The following S100Z variants were observed in gnomAD, a reference collection of about 807,000 sequenced individuals.
The protein encoded by S100Z is S100 calcium binding protein Z.
In S100Z, 11 loss-of-function variants were observed where a neutral mutation model predicts 8.5. That is an observed-to-expected ratio of 1.30 (90% CI 0.82 to 2.15). The LOEUF is 2.15. Among genes scored for constraint, S100Z ranks in the 30% most tolerant of loss-of-function variants. The pLI, the probability that S100Z is intolerant of heterozygous loss-of-function variation, is 0.00. For missense variants in S100Z, 126 were observed against 117.9 expected (o/e 1.07, Z -0.32); for synonymous variants, 34 against 43.8 (o/e 0.78, Z 0.89).
the S100Z span, among the ~76,000 whole-genome samples, chr5:76,935,354 T>G: frequency 2.0e-5 from 3 of 152,194 alleles, no homozygotes; most frequent in Admixed American, 2.0e-4. Context: ...ATTAATATGA[T>G]TACTAATTTG....
At chr5:76,938,506 G>A in the S100Z span, among the ~76,000 whole-genome samples, 1 of 152,158 alleles carries the variant, frequency 6.6e-6, no homozygotes, top group Non-Finnish European at 1.5e-5. Context: ...TTGCTTTTGA[G>A]GCTGCTTCTG....
intron 1 of S100Z, among the ~76,000 whole-genome samples, chr5:76,864,317 A>G (rs1751182496): frequency 6.6e-6 from 1 of 151,688 alleles, no homozygotes; most frequent in Non-Finnish European, 1.5e-5. Flanking sequence ...GTATAAAAGT[A>G]TAGAACATAC....
intron 4 of S100Z, among the ~76,000 whole-genome samples, chr5:76,886,905 C>G (rs551580824): frequency 1.5e-4 from 23 of 152,234 alleles, no homozygotes; most frequent in African/African-American, 3.1e-4. Flanking sequence ...GGAATGTCAT[C>G]AGTTAAGGCT....
chr5:76,891,277 T>C (rs1290445340), intron 4 of S100Z, among the ~76,000 whole-genome samples: 1 of 152,244 alleles, frequency 6.6e-6, no homozygotes, highest in Non-Finnish European at 1.5e-5. Flanking sequence ...TACACTTACC[T>C]GTGGTATTTT....
chr5:76,878,209 A>C (rs1184601908), intron 4 of S100Z: 1 of 155,210 alleles, frequency 6.4e-6, no homozygotes, highest in Non-Finnish European at 1.4e-5. Flanking sequence ...CTATTAAAAA[A>C]AATTAACTGG....
the S100Z span, among the ~76,000 whole-genome samples, chr5:76,935,865 G>T: frequency 6.0e-5 from 9 of 151,092 alleles, no homozygotes; most frequent in East Asian, 1.8e-3. Flanking sequence ...CCACCTCCAC[G>T]TCCTGGGTTC....
chr5:76,874,448 G>A (rs1319843005), intron 2 of S100Z, among the ~76,000 whole-genome samples: 1 of 152,106 alleles, frequency 6.6e-6, no homozygotes, highest in East Asian at 1.9e-4. Context: ...TGCACCCAAT[G>A]AGCACTAGCC....
chr5:76,869,301 CATAAG>C (rs1742917965), intron 1 of S100Z, among the ~76,000 whole-genome samples: 1 of 151,800 alleles, frequency 6.6e-6, no homozygotes, highest in African/African-American at 2.4e-5. Flanking sequence ...GAAAAACAAA[CATAAG>C]GTAGGAAATA....
At chr5:76,936,616 T>TACACAC in the S100Z span, among the ~76,000 whole-genome samples, 13,765 of 133,932 alleles carry the variant, frequency 0.1, 840 homozygotes, top group East Asian at 0.19. Context: ...TTAAAGTTCC[T>TACACAC]ACACACACAC....
the S100Z span, among the ~76,000 whole-genome samples, chr5:76,934,069 T>C: frequency 6.6e-6 from 1 of 152,208 alleles, no homozygotes; most frequent in Non-Finnish European, 1.5e-5. Flanking sequence ...CTGAGACTTA[T>C]ACTAAATAAC....
At chr5:76,940,545 T>A in the S100Z span, among the ~76,000 whole-genome samples, 3 of 152,122 alleles carry the variant, frequency 2.0e-5, no homozygotes, top group African/African-American at 4.8e-5. Flanking sequence ...CCTGAGTAGC[T>A]GGGATTACAG....
chr5:76,915,304 CA>C lies in S100Z; in HGVS notation c.*3-5396del, dbSNP rs60682268. ...TGGGTGACAGAGTGAGACTCCATCTCAAAAAAAAAAAAAAAAATGCTGGGCG... is the reference window on the plus strand; with the variant it reads ...TGGGTGACAGAGTGAGACTCCATCTCAAAAAAAAAAAAAAAATGCTGGGCG... On this transcript the variant is annotated intron_variant, in intron 4 of 4. Coordinates refer to ENST00000317593, the MANE Select transcript of S100Z (RefSeq NM_130772.4). Among the ~76,000 whole-genome samples the C allele has an allele frequency of 5.4e-3, 561 of 103,568 alleles. 5 individuals carry two copies. Among genetic ancestry groups the C allele is most frequent in the African/African-American group, 0.017 (433 of 25,156 alleles). The allele number at this position is 103,568 out of a possible 152,430, so 67.9% of individuals were successfully genotyped here.
the S100Z span, among the ~76,000 whole-genome samples, chr5:76,949,794 A>G: frequency 6.6e-6 from 1 of 152,194 alleles, no homozygotes; most frequent in Non-Finnish European, 1.5e-5. Flanking sequence ...TGATGGTTGC[A>G]GGGATTGGGA....
chr5:76,879,061 G>T (rs954509117), intron 4 of S100Z, among the ~76,000 whole-genome samples: 1 of 152,178 alleles, frequency 6.6e-6, no homozygotes. Flanking sequence ...TGTGGGGCTT[G>T]TAATAGTTCT....
the S100Z span, among the ~76,000 whole-genome samples, chr5:76,937,157 TA>T: frequency 6.6e-6 from 1 of 151,978 alleles, no homozygotes; most frequent in Non-Finnish European, 1.5e-5. Context: ...GGCTTCTTCA[TA>T]AAGGCTAAAT....
chr5:76,882,109 G>A (rs1743420414), intron 4 of S100Z, among the ~76,000 whole-genome samples: 1 of 152,176 alleles, frequency 6.6e-6, no homozygotes, highest in Admixed American at 6.6e-5. Flanking sequence ...TTGGCTTGCT[G>A]AGAGGTAGTG....
intron 4 of S100Z, among the ~76,000 whole-genome samples, chr5:76,884,884 G>T (rs1164154743): frequency 6.6e-6 from 1 of 152,136 alleles, no homozygotes; most frequent in East Asian, 1.9e-4. Flanking sequence ...AGAGCTTGGG[G>T]TGGAGACTGA....
At chr5:76,896,939 C>T (rs550885278) in intron 4 of S100Z, among the ~76,000 whole-genome samples, 1 of 151,774 alleles carries the variant, frequency 6.6e-6, no homozygotes, top group East Asian at 1.9e-4. Flanking sequence ...ATTATTAATC[C>T]CTTGTCAGAT....
At chr5:76,884,671 G>A (rs1391161539) in intron 4 of S100Z, among the ~76,000 whole-genome samples, 2 of 152,190 alleles carry the variant, frequency 1.3e-5, no homozygotes, top group Non-Finnish European at 2.9e-5. Flanking sequence ...AGAGGAAATA[G>A]TTGGGCAAGT....
Sources: gnomAD v4.1 joint callset for allele counts (sites outside exome capture counted in the v4.1 genomes callset) on GRCh38, gnomAD v4.1.1 for gene constraint, MANE v1.5 for transcripts, NCBI Gene and HGNC (gene_info 2026-07-23, HGNC 2026-07-21) for gene names.